The following IFT80 variants were observed in gnomAD, a reference collection of about 807,000 sequenced individuals.
The protein encoded by IFT80 is intraflagellar transport protein 80 homolog.
In IFT80, 79 loss-of-function variants were observed where a neutral mutation model predicts 107.9. The observed-to-expected ratio is 0.73, with a 90% CI of 0.61 to 0.88. The LOEUF (loss-of-function observed/expected upper bound fraction) is 0.88. Ranked by LOEUF, IFT80 falls within the 40% of genes least tolerant of loss-of-function variation. The pLI is 0.00. For synonymous variants in IFT80, 299 were observed against 300.9 expected (o/e 0.99, Z 0.07); for missense variants, 797 against 914.2 (o/e 0.87, Z 1.65).
chr3:160,303,805 T>A, intron 11 of IFT80, 110 bp downstream of exon 11: 1 of 687,486 alleles, frequency 1.5e-6, no homozygotes, highest in Non-Finnish European at 2.6e-6. Flanking sequence ...AGAAACAGAT[T>A]GGTTCTAAAT....
intron 10 of IFT80, among the ~76,000 whole-genome samples, chr3:160,304,396 G>A (rs2108272260): frequency 6.6e-6 from 1 of 150,822 alleles, no homozygotes; most frequent in South Asian, 2.1e-4. Flanking sequence ...ATCTGGATTA[G>A]AAATATGGTT....
At chr3:160,385,280 A>G (rs547071153) in intron 1 of IFT80, among the ~76,000 whole-genome samples, 1 of 152,378 alleles carries the variant, frequency 6.6e-6, no homozygotes, top group East Asian at 1.9e-4. Context: ...CCAAACAGCC[A>G]TATCATCAAA....
intron 13 of IFT80, among the ~76,000 whole-genome samples, chr3:160,283,343 T>A (rs1429301980): frequency 6.6e-6 from 1 of 152,206 alleles, no homozygotes; most frequent in Non-Finnish European, 1.5e-5. Flanking sequence ...CCTCCTACAA[T>A]GTCTGAAGAC....
chr3:160,327,628 G>C (rs114764111), intron 8 of IFT80, among the ~76,000 whole-genome samples: 1,551 of 152,202 alleles, frequency 0.01, 29 homozygotes, highest in African/African-American at 0.031. Flanking sequence ...GGGAGAACTG[G>C]CTAGCCATAT....
intron 8 of IFT80, among the ~76,000 whole-genome samples, chr3:160,352,108 C>A (rs763161253): frequency 1.2e-4 from 18 of 151,788 alleles, no homozygotes; most frequent in Non-Finnish European, 2.5e-4. Flanking sequence ...CTCTGCCTCC[C>A]GGGTTCACGC....
At chr3:160,340,358 C>A (rs560161035) in intron 8 of IFT80, among the ~76,000 whole-genome samples, 1 of 152,140 alleles carries the variant, frequency 6.6e-6, no homozygotes, top group African/African-American at 2.4e-5. Flanking sequence ...CAAATTACCA[C>A]AAATTTAGAG....
chr3:160,289,167 T>C (rs1322217720), intron 12 of IFT80, among the ~76,000 whole-genome samples: 2 of 152,200 alleles, frequency 1.3e-5, no homozygotes, highest in Non-Finnish European at 2.9e-5. Flanking sequence ...GGAACGTTGA[T>C]GGAGCTGGAG....
In IFT80 at chr3:160,319,816, G is replaced by A; in HGVS notation, c.901C>T (p.Gln301Ter). Residue 301 changes from glutamine to a stop codon, truncating the protein, a stop_gained, in exon 9 of 20, where the codon CAA (glutamine) becomes TAA (stop). Transcript: ENST00000326448. LOFTEE classifies it high-confidence loss of function. ...GHVVFAHVVEQHWEWKNFQVT... is the reference protein window; with the variant it reads ...GHVVFAHVVE ...TGAAAATTTTTCCACTCCCAATGTTGTTCCACCACATGTGCAAAAACGACA... is the reference window on the plus strand; with the variant it reads ...TGAAAATTTTTCCACTCCCAATGTTATTCCACCACATGTGCAAAAACGACA... 1 of 1,612,840 alleles carries A rather than the reference G, an allele frequency of 6.2e-7. No homozygotes were observed. The highest frequency in any genetic ancestry group is 8.5e-7 in the Non-Finnish European group (1 of 1,179,222).
chr3:160,322,655 G>C lies in IFT80; in HGVS notation c.778-2716C>G, dbSNP rs534749237. Among the ~76,000 whole-genome samples the C allele has an allele frequency of 8.8e-3, 1,341 of 152,118 alleles. 21 individuals carry two copies. Among genetic ancestry groups the C allele is most frequent in the Middle Eastern group, 0.024 (7 of 294 alleles). On this transcript the variant is annotated intron_variant, in intron 8 of 19. Coordinates refer to ENST00000326448, the MANE Select transcript of IFT80 (RefSeq NM_020800.3). ...GAACTAGTTTACAGTCCCACCAACA[G>C]TGTAAAAGTGTTCCTATTTCTCCAC... is the stretch of plus-strand genomic sequence containing the variant.
chr3:160,311,065 C>T (rs993443399), intron 9 of IFT80, among the ~76,000 whole-genome samples: 3 of 152,108 alleles, frequency 2.0e-5, no homozygotes, highest in African/African-American at 7.2e-5. Flanking sequence ...GTCAAGACTA[C>T]TGTGAGCCAT....
At chr3:160,273,142 G>A (rs961347215) in intron 18 of IFT80, among the ~76,000 whole-genome samples, 26 of 152,280 alleles carry the variant, frequency 1.7e-4, no homozygotes, top group African/African-American at 6.0e-4. Flanking sequence ...AGAAATATCT[G>A]TAGAACTTAG....
At chr3:160,350,969 A>AC (rs1720654070) in intron 8 of IFT80, among the ~76,000 whole-genome samples, 2 of 152,168 alleles carry the variant, frequency 1.3e-5, no homozygotes, top group South Asian at 4.1e-4. Flanking sequence ...GCTAAATAAA[A>AC]TAAAGGATAA....
chr3:160,393,746 T>C (rs552993573), intron 1 of IFT80, among the ~76,000 whole-genome samples: 1 of 151,516 alleles, frequency 6.6e-6, no homozygotes, highest in Non-Finnish European at 1.5e-5. Flanking sequence ...ATAAGAAAAA[T>C]TTTAGATGAT....
intron 6 of IFT80, among the ~76,000 whole-genome samples, chr3:160,360,231 C>G (rs1262955291): frequency 6.6e-6 from 1 of 152,008 alleles, no homozygotes; most frequent in Non-Finnish European, 1.5e-5. Context: ...GTAGCTGATT[C>G]GATCAAGTGG....
In IFT80 at chr3:160,277,409, G is replaced by T; in HGVS notation, c.1996C>A (p.Leu666Ile). 1 of 1,611,032 alleles carries T rather than the reference G, an allele frequency of 6.2e-7. No individual in the cohort carries two copies. The highest frequency in any genetic ancestry group is 8.5e-7 in the Non-Finnish European group (1 of 1,177,394). Residue 666 changes from leucine to isoleucine, a missense_variant, in exon 18 of 20, where the codon CTA becomes ATA. Transcript: ENST00000326448. ...PSKESKMAHI[L>I]LFSGNIQEAE... ...TCCTGTATGTTCCCACTAAACAGTA[G>T]TATGTGGGCCATTTTTGATTCTTTA...
Position 160,285,789 on chromosome 3 carries a change from G to T in IFT80, c.1380+15C>A, listed in dbSNP as rs772668269. 55 of 1,529,200 alleles carry T rather than the reference G, an allele frequency of 3.6e-5. No individual in the cohort carries two copies. The highest frequency in any genetic ancestry group is 4.3e-5 in the Non-Finnish European group (47 of 1,105,372). The allele number at this position is 1,529,200 out of a possible 1,614,324, so 94.7% of individuals were successfully genotyped here. On this transcript the variant is annotated intron_variant, in intron 13 of 19. Coordinates refer to ENST00000326448, the MANE Select transcript of IFT80 (RefSeq NM_020800.3). The stretch of plus-strand genomic sequence containing the variant: ...ATAGTGGCTATTTACATTAGAAGTA[G>T]TTAATGTCCATTACCTTATGAGAAA...
chr3:160,398,542 T>C (rs1714054511), intron 1 of IFT80, among the ~76,000 whole-genome samples: 1 of 152,218 alleles, frequency 6.6e-6, no homozygotes, highest in South Asian at 2.1e-4. Context: ...TATAAAGTTG[T>C]AGGAAAACTA....
intron 8 of IFT80, among the ~76,000 whole-genome samples, chr3:160,338,279 C>T (rs1048411221): frequency 1.3e-5 from 2 of 152,136 alleles, no homozygotes; most frequent in Non-Finnish European, 2.9e-5. Flanking sequence ...ACACCCTTTC[C>T]CCCATTGGCC....
chr3:160,342,668 A>G (rs1305381254), intron 8 of IFT80: 1 of 152,370 alleles, frequency 6.6e-6, no homozygotes, highest in Admixed American at 6.5e-5. Flanking sequence ...TGGGAACAGG[A>G]TGTCTAAAAG....
Sources: gnomAD v4.1 joint callset for allele counts (sites outside exome capture counted in the v4.1 genomes callset) on GRCh38, gnomAD v4.1.1 for gene constraint, MANE v1.5 for transcripts, NCBI Gene and HGNC (gene_info 2026-07-23, HGNC 2026-07-21) for gene names.